The following CUX2 variants were observed in gnomAD, a reference collection of about 807,000 sequenced individuals.
CUX2 encodes homeobox protein cut-like 2.
In CUX2, 40 loss-of-function variants were observed where a neutral mutation model predicts 144.8. That is an observed-to-expected ratio of 0.28 (90% CI 0.21 to 0.36). The LOEUF (loss-of-function observed/expected upper bound fraction) is 0.36, where lower values mean the gene tolerates loss of function less well. Ranked by LOEUF, CUX2 falls within the 10% of genes least tolerant of loss-of-function variation. The pLI is 1.00. For synonymous variants in CUX2, 827 were observed against 875.6 expected (o/e 0.94, Z 0.98); for missense variants, 1,615 against 1,994.0 (o/e 0.81, Z 3.62).
At chr12:111,219,797 G>A (rs1318857063) in intron 3 of CUX2, among the ~76,000 whole-genome samples, 2 of 152,148 alleles carry the variant, frequency 1.3e-5, no homozygotes, top group African/African-American at 4.8e-5. Flanking sequence ...TCTGAGGTGA[G>A]CTACTTAACC....
rs368872955 is a variant in CUX2 at position 111,296,432 on chromosome 12, A to G, written c.638-41A>G. On this transcript the variant is annotated intron_variant, in intron 7 of 21. Coordinates refer to ENST00000261726, the MANE Select transcript of CUX2 (RefSeq NM_015267.4). ...TCCCTGGGAGACCCAGCTCCTTCCC[A>G]CTCGGAGGTGGGGCCTCACCCTGCC... 3.8e-6 allele frequency: 6 copies of G among 1,565,474 alleles called. No homozygotes were observed. The African/African-American group carries it at 8.1e-5, about 21-fold the overall frequency.
intron 3 of CUX2, among the ~76,000 whole-genome samples, chr12:111,224,393 T>C (rs1056729898): frequency 6.6e-6 from 1 of 151,978 alleles, no homozygotes; most frequent in Non-Finnish European, 1.5e-5. Flanking sequence ...CTCCCTGCTC[T>C]GGCCCCGAGC....
intron 5 of CUX2, among the ~76,000 whole-genome samples, chr12:111,292,000 C>T (rs1014479702): frequency 1.3e-4 from 20 of 152,118 alleles, no homozygotes; most frequent in African/African-American, 4.1e-4. Context: ...TCCACATGGG[C>T]GCCCTCCACA....
chr12:111,306,534 T>A (rs1592944403), intron 10 of CUX2, among the ~76,000 whole-genome samples: 1 of 151,976 alleles, frequency 6.6e-6, no homozygotes, highest in South Asian at 2.1e-4. Context: ...GGCTCCAAGG[T>A]GTCAAGTCTA....
chr12:111,335,525 A>G (rs954125608), intron 19 of CUX2, among the ~76,000 whole-genome samples: 1 of 152,168 alleles, frequency 6.6e-6, no homozygotes, highest in African/African-American at 2.4e-5. Flanking sequence ...AGCCTGGCCA[A>G]CATGGTGAAA....
chr12:111,248,646 G>A lies in CUX2; in HGVS notation c.223-15115G>A, dbSNP rs142833867. Among the ~76,000 whole-genome samples, 1,149 of 152,196 alleles carry A rather than the reference G, an allele frequency of 7.5e-3. 15 individuals are homozygous for A. The highest frequency in any genetic ancestry group is 0.026 in the African/African-American group (1,062 of 41,510). ...GTGAAGCCAGGATAAAGGGGGTGTC[G>A]GTCTAGGCCACAGAGAAACGCTAAT... is the stretch of plus-strand genomic sequence containing the variant. On this transcript the variant is annotated intron_variant, in intron 3 of 21. Transcript: ENST00000261726.
intron 1 of CUX2, among the ~76,000 whole-genome samples, chr12:111,209,935 C>T (rs573805949): frequency 6.6e-6 from 1 of 152,078 alleles, no homozygotes; most frequent in South Asian, 2.1e-4. Context: ...TGGTCTGCGC[C>T]GGGCTCCGGG....
intron 1 of CUX2, among the ~76,000 whole-genome samples, chr12:111,181,563 G>A (rs984690185): frequency 4.6e-5 from 7 of 152,216 alleles, no homozygotes; most frequent in Non-Finnish European, 8.8e-5. Flanking sequence ...GAAAGGAATC[G>A]GGGCTTATCT....
At chr12:111,234,773 C>G (rs780499960) in intron 3 of CUX2, among the ~76,000 whole-genome samples, 36 of 149,408 alleles carry the variant, frequency 2.4e-4, no homozygotes, top group Middle Eastern at 7.0e-3. Flanking sequence ...GGCTAGAGTG[C>G]AGTGGCGTGA....
intron 1 of CUX2, among the ~76,000 whole-genome samples, chr12:111,138,181 A>G (rs970789298): frequency 6.6e-6 from 1 of 152,202 alleles, no homozygotes; most frequent in Admixed American, 6.5e-5. Flanking sequence ...GTCTCGCTCC[A>G]CGCACAGATG....
chr12:111,124,824 T>C (rs1297418793), intron 1 of CUX2, among the ~76,000 whole-genome samples: 2 of 152,172 alleles, frequency 1.3e-5, no homozygotes, highest in South Asian at 2.1e-4. Context: ...CCCCACTGTC[T>C]ATTGTTGCTA....
chr12:111,193,514 A>G (rs963231229), intron 1 of CUX2, among the ~76,000 whole-genome samples: 1 of 152,244 alleles, frequency 6.6e-6, no homozygotes, highest in Non-Finnish European at 1.5e-5. Context: ...ACTAATTTGA[A>G]TATCTTTGGG....
intron 3 of CUX2, among the ~76,000 whole-genome samples, chr12:111,235,614 A>G (rs1237711497): frequency 1.3e-5 from 2 of 151,996 alleles, no homozygotes; most frequent in African/African-American, 4.8e-5. Flanking sequence ...CCAGCTACTC[A>G]GGAGGCTGAG....
rs192948157 is a variant in CUX2, at chr12:111,277,378, G to A, written c.301+13539G>A. On this transcript the variant is annotated intron_variant, in intron 4 of 21. Coordinates refer to ENST00000261726, the MANE Select transcript of CUX2 (RefSeq NM_015267.4). The surrounding 1 kb of genome is among the most constrained non-coding windows in gnomAD (Gnocchi z 5.0). ...TAACCCCAGGGGAGGTTAGTAGGAC[G>A]GTCAGCTGCCATTTCCTTATCTGAT... Among the ~76,000 whole-genome samples the A allele has an allele frequency of 1.3e-5, 2 of 152,030 alleles. No homozygotes were observed. Among genetic ancestry groups the A allele is most frequent in the Admixed American group, 6.6e-5 (1 of 15,252 alleles).
At chr12:111,288,545 G>A (rs541845746) in intron 4 of CUX2, among the ~76,000 whole-genome samples, 5 of 152,016 alleles carry the variant, frequency 3.3e-5, no homozygotes, top group South Asian at 2.1e-4. Context: ...CTGGGGGAGC[G>A]ACCAGGCACG....
At chr12:111,260,591 T>G (rs1342993562) in intron 3 of CUX2, among the ~76,000 whole-genome samples, 1 of 152,222 alleles carries the variant, frequency 6.6e-6, no homozygotes, top group Non-Finnish European at 1.5e-5. Context: ...CAGTAGCACA[T>G]GGACCGGTGG....
rs1377439848 is a variant in CUX2 at position 111,330,728 on chromosome 12, T to TACAC, written c.2927-3712_2927-3711insCACA. ...ATATATATATATATATATATATATATATATATATATATATATATATATAAA... is the reference window on the plus strand; with the variant it reads ...ATATATATATATATATATATATATATACACATATATATATATATATATATATAAA... On this transcript the variant is annotated intron_variant, in intron 18 of 21. Coordinates refer to ENST00000261726, the MANE Select transcript of CUX2 (RefSeq NM_015267.4). Among the ~76,000 whole-genome samples the TACAC allele has an allele frequency of 5.3e-3, 265 of 50,124 alleles. 23 individuals are homozygous for TACAC. Among genetic ancestry groups the TACAC allele is most frequent in the African/African-American group, 0.022 (256 of 11,562 alleles). The allele number at this position is 50,124 out of a possible 152,430, so 32.9% of individuals were successfully genotyped here.
intron 4 of CUX2, among the ~76,000 whole-genome samples, chr12:111,265,304 TTTTATTTTTATTTTATTTTA>T (rs1298269451): frequency 2.1e-5 from 3 of 145,696 alleles, no homozygotes; most frequent in Non-Finnish European, 4.5e-5. Flanking sequence ...TTTTATTTTA[TTTTATTTTTATTTTATTTTA>T]TTTTATTTTA....
At chr12:111,220,536 C>A (rs1431404088) in intron 3 of CUX2, among the ~76,000 whole-genome samples, 1 of 151,956 alleles carries the variant, frequency 6.6e-6, no homozygotes, top group Non-Finnish European at 1.5e-5. Flanking sequence ...TGCTCCTAAA[C>A]CAGCTGTGTG....
Sources: gnomAD v4.1 joint callset for allele counts (sites outside exome capture counted in the v4.1 genomes callset) on GRCh38, gnomAD v4.1.1 for gene constraint, Gnocchi (gnomAD v3.1) non-coding constraint, MANE v1.5 for transcripts, NCBI Gene and HGNC (gene_info 2026-07-23, HGNC 2026-07-21) for gene names.